SYNE1: variants seen among roughly 807,000 people sequenced by gnomAD.
The protein encoded by SYNE1 is spectrin repeat containing nuclear envelope protein 1.
Under a neutral mutation model 1,111.0 loss-of-function variants are expected in SYNE1, and 616 were observed. The ratio of observed to expected loss-of-function variants is 0.55; its 90% CI spans 0.52 to 0.59. The LOEUF is 0.59. Ranked by LOEUF, SYNE1 falls within the 20% of genes least tolerant of loss-of-function variation. The probability of loss-of-function intolerance (pLI) is 0.00; values close to 1 mark genes in which losing one functional copy is unlikely to be tolerated. For missense variants in SYNE1, 10,006 were observed against 10,417.0 expected, an observed-to-expected ratio of 0.96 and a Z score of 1.72; for synonymous variants, 3,855 against 3,825.8, an observed-to-expected ratio of 1.01 and a Z score of -0.28.
chr6:152,405,256 T>C (rs1182006886), intron 45 of SYNE1, among the ~76,000 whole-genome samples: 1 of 152,198 alleles, frequency 6.6e-6, no homozygotes, highest in African/African-American at 2.4e-5. Context: ...CCTGGTCATA[T>C]CTAATGTGGC....
Position 152,358,516 on chromosome 6 carries a change from T to C in SYNE1, c.10465A>G (p.Lys3489Glu). ...RAKEAVTKSE[K>E]LVRLHQEYQR... ...TACTCTTGGTGCAGGCGGACAAGTT[T>C]TTCAGACTTGGTTACGGCTTCCTAT... The change falls in exon 66 of 146, where the codon AAA becomes GAA. Residue 3489 changes from lysine to glutamate, a missense_variant. Lys to Glu is a moderately conservative substitution (Grantham distance 56). Transcript: ENST00000367255. 1 of 1,614,202 alleles carries C rather than the reference T, an allele frequency of 6.2e-7. No individual in the cohort carries two copies. Among genetic ancestry groups the C allele is most frequent in the Non-Finnish European group, 8.5e-7 (1 of 1,180,022 alleles).
intron 22 of SYNE1, among the ~76,000 whole-genome samples, chr6:152,457,696 G>T (rs2098704690): frequency 6.6e-6 from 1 of 151,926 alleles, no homozygotes; most frequent in Admixed American, 6.6e-5. Context: ...GAAAGCAATT[G>T]TTTTTATTAT....
chr6:152,180,342 AG>A, intron 128 of SYNE1, 48 bp from the exon 129 acceptor site: 1 of 1,578,358 alleles, frequency 6.3e-7, no homozygotes, highest in Non-Finnish European at 8.7e-7. Flanking sequence ...ATCAGAGAGA[AG>A]ACCACACTCC....
In SYNE1 at chr6:152,151,566, A is replaced by C; in HGVS notation, c.24437T>G (p.Ile8146Arg). 1 of 1,614,032 alleles carries C rather than the reference A, an allele frequency of 6.2e-7. No individual in the cohort carries two copies. Among genetic ancestry groups the C allele is most frequent in the Non-Finnish European group, 8.5e-7 (1 of 1,180,000 alleles). Residue 8146 changes from isoleucine to arginine, a missense_variant, in exon 135 of 146, where the codon ATA becomes AGA. Ile to Arg is a moderately conservative substitution (Grantham distance 97). Around this residue, in one of 7 missense-constraint regions of SYNE1, gnomAD observed 34 missense variants for 68.3 expected, o/e 0.50. Coordinates refer to ENST00000367255, the MANE Select transcript of SYNE1 (RefSeq NM_182961.4). ...HFSECDVQAKIKQLKAFQQEI... is the reference protein window; with the variant it reads ...HFSECDVQAKRKQLKAFQQEI... ...ATAATCTATTACCTTGAGTTGCTTT[A>C]TTTTAGCTTGAACATCACACTCAGA...
At chr6:152,621,146 A>G (rs1255818668) in intron 3 of SYNE1, among the ~76,000 whole-genome samples, 1 of 152,190 alleles carries the variant, frequency 6.6e-6, no homozygotes, top group Admixed American at 6.6e-5. Flanking sequence ...AAGAGTCAGG[A>G]CATCTTCCGA....
At chr6:152,151,220 TA>T (rs536179270) in intron 135 of SYNE1, among the ~76,000 whole-genome samples, 157 of 125,468 alleles carry the variant, frequency 1.3e-3, no homozygotes, top group African/African-American at 1.4e-3. Context: ...AGACTCTCTC[TA>T]AAAAAAAAAA....
At chr6:152,239,464 T>C (rs1417864747) in intron 108 of SYNE1, 69 bp downstream of exon 108, 44 of 1,586,788 alleles carry the variant, frequency 2.8e-5, no homozygotes, top group Non-Finnish European at 3.8e-5. Context: ...GATAGATACA[T>C]CTTGCATTAA....
rs369467530 is a variant in SYNE1, at chr6:152,417,297, A to G, written c.5422-282T>C. 0.012 allele frequency among the ~76,000 whole-genome samples: 1,787 copies of G among 152,196 alleles called. 17 individuals carry two copies. Among genetic ancestry groups the G allele is most frequent in the Non-Finnish European group, 0.017 (1,155 of 68,006 alleles). ...GCAGATCACGAGGTCAGGAGATCGAAACCATCCTGGCTAACACGGTGAAAC... is the reference window on the plus strand; with the variant it reads ...GCAGATCACGAGGTCAGGAGATCGAGACCATCCTGGCTAACACGGTGAAAC... On this transcript the variant is annotated intron_variant, in intron 40 of 145. Coordinates refer to ENST00000367255, the MANE Select transcript of SYNE1 (RefSeq NM_182961.4).
intron 3 of SYNE1, among the ~76,000 whole-genome samples, chr6:152,556,746 T>C (rs2099366475): frequency 1.3e-5 from 2 of 152,144 alleles, no homozygotes; most frequent in Non-Finnish European, 2.9e-5. Context: ...TTCAGCAGCA[T>C]GCCTATCCAT....
chr6:152,634,215 T>C (rs114695974), intron 2 of SYNE1, among the ~76,000 whole-genome samples: 1,542 of 152,282 alleles, frequency 0.01, 21 homozygotes, highest in African/African-American at 0.036. Flanking sequence ...TTTCAAACCC[T>C]GCAATGACCA....
At chr6:152,202,086 C>G in intron 126 of SYNE1, 137 bp from the exon 127 acceptor site, 1 of 1,160,884 alleles carries the variant, frequency 8.6e-7, no homozygotes, top group Non-Finnish European at 1.2e-6. Context: ...GTGGCTCACG[C>G]GTGTAATCCC....
Position 152,310,886 on chromosome 6 carries a change from G to A in SYNE1, c.16711-13C>T, listed in dbSNP as rs2095525706. On this transcript the variant is annotated splice_polypyrimidine_tract_variant and intron_variant, in intron 87 of 145. Coordinates refer to ENST00000367255, the MANE Select transcript of SYNE1 (RefSeq NM_182961.4). ...CTTCTAGCAGGGTCTAGAGTGAATT[G>A]TCAATATTCATGACATTGACGGGCA... The A allele has an allele frequency of 1.2e-6, 2 of 1,612,670 alleles. No individual in the cohort carries two copies. Among genetic ancestry groups the A allele is most frequent in the Admixed American group, 3.3e-5 (2 of 59,908 alleles).
intron 42 of SYNE1, among the ~76,000 whole-genome samples, chr6:152,412,977 A>T (rs2098090263): frequency 6.6e-6 from 1 of 151,226 alleles, no homozygotes; most frequent in African/African-American, 2.4e-5. Context: ...TCGGCCTCCC[A>T]AGTAGCTGGC....
intron 96 of SYNE1, 113 bp downstream of exon 96, chr6:152,283,865 C>T (rs2094171310): frequency 3.2e-6 from 3 of 941,308 alleles, no homozygotes; most frequent in Admixed American, 1.9e-5. Flanking sequence ...ACAATCCCAG[C>T]TTAGGAGAGG....
chr6:152,500,950 CAAAAAAA>C (rs57436246), intron 10 of SYNE1, among the ~76,000 whole-genome samples: 6 of 80,002 alleles, frequency 7.5e-5, no homozygotes, highest in Non-Finnish European at 1.6e-4. Context: ...GACTCCATCT[CAAAAAAA>C]AAAAAAAAAA....
rs71659863 is a variant in SYNE1, at chr6:152,430,083, ATAG to A, written c.4788+26_4788+28del. 0.14 allele frequency: 204,567 copies of A among 1,451,990 alleles called. 16,016 individuals are homozygous for A. Among genetic ancestry groups the A allele is most frequent in the East Asian group, 0.38 (16,316 of 42,864 alleles). The allele number at this position is 1,451,990 out of a possible 1,614,324, so 89.9% of individuals were successfully genotyped here. A position where few individuals can be genotyped will look rare whatever the true frequency, so the allele number is the denominator to read the frequency against. On this transcript the variant is annotated intron_variant, in intron 36 of 145. Coordinates refer to ENST00000367255, the MANE Select transcript of SYNE1 (RefSeq NM_182961.4). ...GAATTATCAAATTTTAAGTTGGTAA[ATAG>A]TAGAAATGTTGAAGCATACTCTTAC...
rs780269208 is a variant in SYNE1 at position 152,148,305 on chromosome 6, T to C, written c.24716A>G (p.His8239Arg). ...LEDSAALSDLHWHDRSADSLL... is the reference protein window; with the variant it reads ...LEDSAALSDLRWHDRSADSLL... ...GCTGTCTGCAGAGCGGTCGTGCCAG[T>C]GCAGGTCCGACAGAGCTGCAGAGTC... Residue 8239 changes from histidine (H) to arginine (R), a missense_variant, in exon 137 of 146, where the codon CAC (histidine) becomes CGC (arginine). His to Arg is a conservative substitution (Grantham distance 29). This residue lies in a region of SYNE1 where 761 missense variants were observed against 795.5 expected (regional missense o/e 0.96). Coordinates refer to ENST00000367255, the MANE Select transcript of SYNE1 (RefSeq NM_182961.4). The surrounding 1 kb of genome is among the most constrained non-coding windows in gnomAD (Gnocchi z 4.1). The C allele has an allele frequency of 8.7e-6, 14 of 1,613,946 alleles. No individual in the cohort carries two copies. In the Admixed American group the frequency reaches 1.5e-4, roughly 17 times the overall value.
rs7756247 is a variant in SYNE1 at position 152,417,289 on chromosome 6, G to A, written c.5422-274C>T. Reference sequence around the variant, plus strand: ...CAAGGCGGGCAGATCACGAGGTCAGGAGATCGAAACCATCCTGGCTAACAC... The same window carrying A: ...CAAGGCGGGCAGATCACGAGGTCAGAAGATCGAAACCATCCTGGCTAACAC... On this transcript the variant is annotated intron_variant, in intron 40 of 145. Coordinates refer to ENST00000367255, the MANE Select transcript of SYNE1 (RefSeq NM_182961.4). Among the ~76,000 whole-genome samples, 31,009 of 152,124 alleles carry A rather than the reference G, an allele frequency of 0.2. 3,299 individuals are homozygous for A. Among genetic ancestry groups the A allele is most frequent in the East Asian group, 0.36 (1,831 of 5,156 alleles).
chr6:152,346,799 G>A (rs1028371449), intron 73 of SYNE1, among the ~76,000 whole-genome samples: 2 of 152,088 alleles, frequency 1.3e-5, no homozygotes, highest in African/African-American at 4.8e-5. Context: ...GACAGAGTGA[G>A]ACTCCGTCTC....
Sources: gnomAD v4.1 joint callset for allele counts (sites outside exome capture counted in the v4.1 genomes callset) on GRCh38, gnomAD v4.1.1 for gene constraint, gnomAD v4.1.1 regional missense constraint, Gnocchi (gnomAD v3.1) non-coding constraint, MANE v1.5 for transcripts, NCBI Gene and HGNC (gene_info 2026-07-23, HGNC 2026-07-21) for gene names.